SLC35F3: variants seen among roughly 807,000 people sequenced by gnomAD.
The protein encoded by SLC35F3 is solute carrier family 35 member F3.
SLC35F3 carries 25 observed loss-of-function variants against 49.9 expected under a neutral mutation model. The ratio of observed to expected loss-of-function variants is 0.50; its 90% CI spans 0.37 to 0.70. The LOEUF is 0.70. Among genes scored for constraint, SLC35F3 ranks in the 30% least tolerant of loss-of-function variants. The probability of loss-of-function intolerance (pLI) is 0.00; values close to 1 mark genes in which losing one functional copy is unlikely to be tolerated. For synonymous variants in SLC35F3, 275 were observed against 265.4 expected, an observed-to-expected ratio of 1.04 and a Z score of -0.35; for missense variants, 525 against 639.8, an observed-to-expected ratio of 0.82 and a Z score of 1.94.
intron 2 of SLC35F3, among the ~76,000 whole-genome samples, chr1:234,050,584 A>T (rs1340795273): frequency 6.6e-6 from 1 of 152,072 alleles, no homozygotes; most frequent in Non-Finnish European, 1.5e-5. Flanking sequence ...CCATTCTGTA[A>T]GTTGCCTGTT....
intron 2 of SLC35F3, among the ~76,000 whole-genome samples, chr1:234,096,903 T>C (rs907625451): frequency 7.6e-6 from 1 of 131,754 alleles, no homozygotes; most frequent in Admixed American, 7.3e-5. Flanking sequence ...TTTTTTTTTT[T>C]CTTGAGACGG....
At chr1:234,152,850 T>TA (rs1348952782) in intron 2 of SLC35F3, among the ~76,000 whole-genome samples, 5 of 152,216 alleles carry the variant, frequency 3.3e-5, no homozygotes, top group Admixed American at 6.5e-5. Flanking sequence ...ACCAACAATG[T>TA]AAAAGCGTTT....
At chr1:233,956,790 G>A (rs1219895091) in intron 2 of SLC35F3, among the ~76,000 whole-genome samples, 1 of 152,236 alleles carries the variant, frequency 6.6e-6, no homozygotes, top group Non-Finnish European at 1.5e-5. Context: ...GAAACCTGGT[G>A]GGAGGTGAGA....
chr1:234,184,224 T>C (rs1242256353), intron 2 of SLC35F3, among the ~76,000 whole-genome samples: 2 of 151,746 alleles, frequency 1.3e-5, no homozygotes, highest in Admixed American at 1.3e-4. Context: ...CATAATGATC[T>C]TCCTTGCTGC....
At chr1:233,929,252 C>A (rs557896529) in intron 2 of SLC35F3, among the ~76,000 whole-genome samples, 85 of 152,250 alleles carry the variant, frequency 5.6e-4, no homozygotes, top group Non-Finnish European at 8.4e-4. Flanking sequence ...GTGTCATAGA[C>A]CAAGTCTCTT....
chr1:234,308,871 A>G (rs1042027912), intron 3 of SLC35F3, among the ~76,000 whole-genome samples: 4 of 152,068 alleles, frequency 2.6e-5, no homozygotes, highest in Non-Finnish European at 4.4e-5. Context: ...CAAGCTTAAC[A>G]TGAACAGAAG....
At chr1:233,996,947 T>A (rs1231171542) in intron 2 of SLC35F3, among the ~76,000 whole-genome samples, 3 of 152,094 alleles carry the variant, frequency 2.0e-5, no homozygotes, top group Non-Finnish European at 4.4e-5. Context: ...GTAACCACCA[T>A]TTTATATTTG....
intron 2 of SLC35F3, among the ~76,000 whole-genome samples, chr1:234,002,585 C>T (rs1663570024): frequency 6.6e-6 from 1 of 152,130 alleles, no homozygotes; most frequent in Admixed American, 6.5e-5. Context: ...AGGTTACATG[C>T]TACCCACTTG....
intron 2 of SLC35F3, among the ~76,000 whole-genome samples, chr1:233,924,636 G>A (rs1662126382): frequency 2.0e-5 from 3 of 152,070 alleles, no homozygotes; most frequent in South Asian, 4.1e-4. Context: ...ATCTCCTTCA[G>A]TTCTGCTCTG....
In SLC35F3 at chr1:234,117,818, G is replaced by A. The variant is rs577493854; in HGVS notation, c.284-113599G>A. On this transcript the variant is annotated intron_variant, in intron 2 of 7. Transcript: ENST00000366618. The stretch of plus-strand genomic sequence containing the variant: ...GGAGAATGGTGTGAACCCGGCAGGC[G>A]GAGCTTGCAGTGAGCCGAGATGGTG... Among the ~76,000 whole-genome samples the A allele has an allele frequency of 2.7e-4, 41 of 151,020 alleles. 1 individual carries two copies. The East Asian group carries it at 7.0e-3, about 26-fold the overall frequency.
intron 2 of SLC35F3, among the ~76,000 whole-genome samples, chr1:234,006,439 A>G (rs1039260929): frequency 1.3e-5 from 2 of 152,054 alleles, no homozygotes; most frequent in South Asian, 2.1e-4. Flanking sequence ...CCTTATCCCT[A>G]TGCTTCTCAA....
chr1:234,184,516 C>T (rs1224186275), intron 2 of SLC35F3, among the ~76,000 whole-genome samples: 1 of 152,196 alleles, frequency 6.6e-6, no homozygotes, highest in African/African-American at 2.4e-5. Flanking sequence ...GGCTATGAGA[C>T]CTGACATTTT....
At chr1:234,044,704 C>T (rs1664265354) in intron 2 of SLC35F3, among the ~76,000 whole-genome samples, 1 of 152,110 alleles carries the variant, frequency 6.6e-6, no homozygotes, top group Admixed American at 6.5e-5. Context: ...ATTTTTTAGT[C>T]ATTAATGTTT....
chr1:234,069,680 C>A (rs1222305348), intron 2 of SLC35F3, among the ~76,000 whole-genome samples: 1 of 152,198 alleles, frequency 6.6e-6, no homozygotes, highest in Non-Finnish European at 1.5e-5. Flanking sequence ...CCAGCCTCCC[C>A]CAGGGTCCTC....
At position 234,289,244 on chromosome 1, in the gene SLC35F3, C is replaced by G. The variant is rs560916725; in HGVS notation, c.609-19857C>G. ...GTAGACCACATTGGCTTGAGAAATT[C>G]TGTCCCTGTTCTGCTCCAAATATGA... On this transcript the variant is annotated intron_variant, in intron 3 of 7. Transcript: ENST00000366618. Among the ~76,000 whole-genome samples the G allele has an allele frequency of 2.1e-4, 32 of 152,228 alleles. 2 individuals carry two copies. The South Asian group carries it at 6.4e-3, about 31-fold the overall frequency.
chr1:234,146,663 T>A (rs1441366051), intron 2 of SLC35F3, among the ~76,000 whole-genome samples: 6 of 151,666 alleles, frequency 4.0e-5, no homozygotes, highest in Non-Finnish European at 7.4e-5. Flanking sequence ...TACAGGCATG[T>A]GCCACCACGC....
At chr1:234,127,825 T>C (rs868653984) in intron 2 of SLC35F3, among the ~76,000 whole-genome samples, 5 of 152,356 alleles carry the variant, frequency 3.3e-5, no homozygotes, top group Middle Eastern at 3.4e-3. Flanking sequence ...GAAGATTATG[T>C]GTTGCCTAGG....
chr1:233,923,969 A>T (rs1048423549), intron 2 of SLC35F3, among the ~76,000 whole-genome samples: 1 of 152,128 alleles, frequency 6.6e-6, no homozygotes, highest in Non-Finnish European at 1.5e-5. Flanking sequence ...TATGTTGAAC[A>T]AGCCTTGCTT....
At chr1:233,941,962 GT>G (rs547024039) in intron 2 of SLC35F3, among the ~76,000 whole-genome samples, 26,611 of 119,200 alleles carry the variant, frequency 0.22, 4,196 homozygotes, top group African/African-American at 0.47. Flanking sequence ...TTGTTTTTTT[GT>G]TTTTTTTTTT....
Sources: gnomAD v4.1 joint callset for allele counts (sites outside exome capture counted in the v4.1 genomes callset) on GRCh38, gnomAD v4.1.1 for gene constraint, MANE v1.5 for transcripts, NCBI Gene and HGNC (gene_info 2026-07-23, HGNC 2026-07-21) for gene names.